CFAP91: variants seen among roughly 807,000 people sequenced by gnomAD.
CFAP91 encodes the protein cilia and flagella associated protein 91.
CFAP91 carries 85 observed loss-of-function variants against 95.9 expected under a neutral mutation model. That is an observed-to-expected ratio of 0.89 (90% CI 0.74 to 1.06). The LOEUF (loss-of-function observed/expected upper bound fraction) is 1.06. Ranked by LOEUF, CFAP91 falls within the 50% of genes least tolerant of loss-of-function variation. CFAP91 has a pLI of 0.00. For missense variants in CFAP91, 962 were observed against 943.4 expected (o/e 1.02, Z -0.26); for synonymous variants, 335 against 327.5 (o/e 1.02, Z -0.25).
intron 17 of CFAP91, chr3:119,752,432 GC>G (rs2054342739): frequency 1.3e-5 from 2 of 152,234 alleles, no homozygotes; most frequent in South Asian, 4.1e-4. Context: ...TCAAACTGTG[GC>G]TGTAAATTAC....
At chr3:119,722,436 G>T (rs991352637) in intron 6 of CFAP91, among the ~76,000 whole-genome samples, 1 of 151,986 alleles carries the variant, frequency 6.6e-6, no homozygotes, top group Non-Finnish European at 1.5e-5. Flanking sequence ...TCCAGCCTAG[G>T]TGACAGAGCA....
intron 6 of CFAP91, among the ~76,000 whole-genome samples, chr3:119,720,888 A>G (rs986720864): frequency 1.6e-4 from 24 of 152,218 alleles, no homozygotes; most frequent in Admixed American, 1.4e-3. Flanking sequence ...TAAATTATAC[A>G]TAAATAGTTA....
intron 5 of CFAP91, among the ~76,000 whole-genome samples, chr3:119,714,013 A>T (rs1351421098): frequency 6.6e-6 from 1 of 152,162 alleles, no homozygotes; most frequent in Non-Finnish European, 1.5e-5. Context: ...ACATGTTTGC[A>T]TATATATCTT....
intron 5 of CFAP91, chr3:119,710,147 T>C (rs549245541): frequency 2.1e-6 from 1 of 467,436 alleles, no homozygotes; most frequent in Non-Finnish European, 3.8e-6. Flanking sequence ...GAAAAATATA[T>C]GCATATGTTT....
In CFAP91 at chr3:119,727,004, T is replaced by C. The variant is rs4688031; in HGVS notation, c.860+656T>C. Among the ~76,000 whole-genome samples, 1,112 of 152,274 alleles carry C rather than the reference T, an allele frequency of 7.3e-3. 7 individuals are homozygous for C. The highest frequency in any genetic ancestry group is 0.037 in the Middle Eastern group (11 of 294). On this transcript the variant is annotated intron_variant, in intron 7 of 17. Transcript: ENST00000273390. ...TGGTTGGGTTTTCAATTATTTTAAC[T>C]GATATATTTTCAGTAATGGAGTTGT...
chr3:119,762,777 A>C (rs2054561160), intron 17 of CFAP91, among the ~76,000 whole-genome samples: 1 of 152,060 alleles, frequency 6.6e-6, no homozygotes, highest in Non-Finnish European at 1.5e-5. Context: ...ATACAGAAGA[A>C]TGAAATTAGA....
rs2054611315 is a variant in CFAP91, at chr3:119,765,464, T to C, written c.*414T>C. The C allele has an allele frequency of 6.6e-6, 1 of 152,212 alleles. No homozygotes were observed. Among genetic ancestry groups the C allele is most frequent in the Non-Finnish European group, 1.5e-5 (1 of 68,026 alleles). The allele number at this position is 152,212 out of a possible 1,614,324, so 9.4% of individuals were successfully genotyped here. A position where few individuals can be genotyped will look rare whatever the true frequency, so the allele number is the denominator to read the frequency against. Reference sequence around the variant, plus strand: ...TTCCATGACTCAGGATTTTATCTCCTAGATATATATTCAACAGAAATGCAT... The same window carrying C: ...TTCCATGACTCAGGATTTTATCTCCCAGATATATATTCAACAGAAATGCAT... On this transcript the variant is annotated 3_prime_UTR_variant, in exon 18 of 18. Coordinates refer to ENST00000273390, the MANE Select transcript of CFAP91 (RefSeq NM_033364.4).
At chr3:119,749,077 G>T (rs1454629650) in intron 16 of CFAP91, 1 of 152,124 alleles carries the variant, frequency 6.6e-6, no homozygotes, top group Non-Finnish European at 1.5e-5. Context: ...TGTTATAAAA[G>T]GACCTTATGT....
intron 14 of CFAP91, among the ~76,000 whole-genome samples, chr3:119,746,143 T>G (rs2054215769): frequency 6.6e-6 from 1 of 152,184 alleles, no homozygotes; most frequent in Non-Finnish European, 1.5e-5. Flanking sequence ...CATACCTAGG[T>G]AGCAAAATTA....
intron 17 of CFAP91, among the ~76,000 whole-genome samples, chr3:119,763,766 A>G (rs1361596872): frequency 1.3e-5 from 2 of 152,120 alleles, no homozygotes; most frequent in Non-Finnish European, 2.9e-5. Flanking sequence ...CACATATGCT[A>G]TCACTTGCAT....
rs534056435 is a variant in CFAP91, at chr3:119,765,491, A to G, written c.*441A>G. 1.1e-4 allele frequency: 16 copies of G among 152,362 alleles called. No homozygotes were observed. In the East Asian group the frequency reaches 3.1e-3, roughly 29 times the overall value. 9.4% of individuals were successfully genotyped at this position (152,362 alleles called of 1,614,324 possible). A position where few individuals can be genotyped will look rare whatever the true frequency, so the allele number is the denominator to read the frequency against. ...GATATATATTCAACAGAAATGCATGAGTATGTGCACCAACAGGCATGACAA... is the reference window on the plus strand; with the variant it reads ...GATATATATTCAACAGAAATGCATGGGTATGTGCACCAACAGGCATGACAA... On this transcript the variant is annotated 3_prime_UTR_variant, in exon 18 of 18. Coordinates refer to ENST00000273390, the MANE Select transcript of CFAP91 (RefSeq NM_033364.4).
chr3:119,730,974 CA>C (rs1559757337), intron 8 of CFAP91, among the ~76,000 whole-genome samples: 1 of 152,164 alleles, frequency 6.6e-6, no homozygotes, highest in South Asian at 2.1e-4. Flanking sequence ...AGGTAGCTCA[CA>C]CCTGTAATCC....
intron 5 of CFAP91, among the ~76,000 whole-genome samples, chr3:119,711,402 A>G (rs1246287606): frequency 6.6e-6 from 1 of 152,216 alleles, no homozygotes; most frequent in Admixed American, 6.5e-5. Flanking sequence ...ATTCTTTAAA[A>G]TCAGGCTCAC....
At position 119,737,452 on chromosome 3, in the gene CFAP91, T is replaced by C; in HGVS notation, c.1431T>C (p.Leu477=). 6.2e-7 allele frequency: 1 copy of C among 1,608,774 alleles called. No homozygotes were observed. The highest frequency in any genetic ancestry group is 8.5e-7 in the Non-Finnish European group (1 of 1,177,982). ...LQRNPIPQPR[L]PTPTLEMTSN... Reference sequence around the variant, plus strand: ...GAAACCCAATACCTCAACCTCGGCTTCCAACTCCAACCTTGGAAATGACGT... The same window carrying C: ...GAAACCCAATACCTCAACCTCGGCTCCCAACTCCAACCTTGGAAATGACGT... The change falls in exon 11 of 18, where the codon CTT becomes CTC. Residue 477 remains leucine (L), a synonymous_variant. Coordinates refer to ENST00000273390, the MANE Select transcript of CFAP91 (RefSeq NM_033364.4).
chr3:119,747,334 G>C (rs765627024), intron 15 of CFAP91, 71 bp downstream of exon 15: 35 of 1,505,390 alleles, frequency 2.3e-5, no homozygotes, highest in Non-Finnish European at 2.9e-5. Flanking sequence ...TTTTTCAAGA[G>C]CTTACAATTT....
rs1367901504 is a variant in CFAP91, at chr3:119,707,570, C to G, written c.359+9C>G. ...CTCCGGCAGCTCACCACGTAAGTGT[C>G]GGGTGGCTCCAGGGCCTAAAATAAA... On this transcript the variant is annotated intron_variant, in intron 3 of 17. Coordinates refer to ENST00000273390, the MANE Select transcript of CFAP91 (RefSeq NM_033364.4). 7 of 1,547,310 alleles carry G rather than the reference C, an allele frequency of 4.5e-6. No homozygotes were observed. Among genetic ancestry groups the G allele is most frequent in the Non-Finnish European group, 6.2e-6 (7 of 1,135,928 alleles).
intron 17 of CFAP91, among the ~76,000 whole-genome samples, chr3:119,756,539 TA>T (rs1309360167): frequency 3.9e-5 from 6 of 152,210 alleles, no homozygotes; most frequent in Middle Eastern, 3.4e-3. Flanking sequence ...ATTGACTGCA[TA>T]AAAAAATTAT....
chr3:119,747,071 C>T (rs1401864824), intron 14 of CFAP91, 44 bp from the exon 15 acceptor site: 2 of 1,429,906 alleles, frequency 1.4e-6, no homozygotes, highest in African/African-American at 2.9e-5. Context: ...GTGTTGTTTA[C>T]AACAGCATAC....
At chr3:119,715,522 A>G (rs375655115) in intron 5 of CFAP91, 40 bp from the exon 6 acceptor site, 1 of 1,518,440 alleles carries the variant, frequency 6.6e-7, no homozygotes, top group Non-Finnish European at 9.1e-7. Context: ...TTAAGTGACC[A>G]TAACAGGTTT....
Sources: allele counts gnomAD v4.1 joint callset (sites outside exome capture counted in the v4.1 genomes callset), GRCh38; gene constraint gnomAD v4.1.1; transcripts MANE v1.5; gene names NCBI Gene and HGNC (gene_info 2026-07-23, HGNC 2026-07-21).